Variants in FN3K observed in about 807,000 individuals in gnomAD.
FN3K encodes fructosamine 3 kinase.
FN3K carries 24 observed loss-of-function variants against 24.8 expected under a neutral mutation model. The ratio of observed to expected loss-of-function variants is 0.97; its 90% CI spans 0.70 to 1.36. The LOEUF (loss-of-function observed/expected upper bound fraction) is 1.36, where lower values mean the gene tolerates loss of function less well. Ranked by LOEUF, FN3K falls within the 40% of genes most tolerant of loss-of-function variation. The probability of loss-of-function intolerance (pLI) is 0.00; values close to 1 mark genes in which losing one functional copy is unlikely to be tolerated. For missense variants in FN3K, 449 were observed against 416.7 expected, an observed-to-expected ratio of 1.08 and a Z score of -0.67; for synonymous variants, 192 against 175.2, an observed-to-expected ratio of 1.10 and a Z score of -0.76.
At chr17:82,743,849 G>C (rs2046954171) in intron 4 of FN3K, among the ~76,000 whole-genome samples, 1 of 152,214 alleles carries the variant, frequency 6.6e-6, no homozygotes, top group African/African-American at 2.4e-5. Context: ...CCCTCTGTCA[G>C]GGGAGGCCTG....
At position 82,742,195 on chromosome 17, in the gene FN3K, G is replaced by A. The variant is rs894012704; in HGVS notation, c.468+802G>A. Among the ~76,000 whole-genome samples, 9 of 151,714 alleles carry A rather than the reference G, an allele frequency of 5.9e-5. 1 individual carries two copies. Among genetic ancestry groups the A allele is most frequent in the Non-Finnish European group, 1.2e-4 (8 of 67,976 alleles). ...GCTGGGATTACAGGCACGAGCCACCGCGCCTGGACTTAATGTTGTATTTTT... is the reference window on the plus strand; with the variant it reads ...GCTGGGATTACAGGCACGAGCCACCACGCCTGGACTTAATGTTGTATTTTT... On this transcript the variant is annotated intron_variant, in intron 4 of 5. Coordinates refer to ENST00000300784, the MANE Select transcript of FN3K (RefSeq NM_022158.4).
chr17:82,750,800 T>TCCCCGTCCCTGTCCCCCCGTC lies in FN3K; in HGVS notation c.*58_*78dup. ...CCCTGTCCCCGTCCCCGTCTCCGTCTCCCCGTCCCTGTCCCCCCGTCCCCC... is the reference window on the plus strand; with the variant it reads ...CCCTGTCCCCGTCCCCGTCTCCGTCTCCCCGTCCCTGTCCCCCCGTCCCCCGTCCCTGTCCCCCCGTCCCCC... On this transcript the variant is annotated 3_prime_UTR_variant, in exon 6 of 6. Transcript: ENST00000300784. 3 of 1,402,838 alleles carry TCCCCGTCCCTGTCCCCCCGTC rather than the reference T, an allele frequency of 2.1e-6. No individual in the cohort carries two copies. Among genetic ancestry groups the TCCCCGTCCCTGTCCCCCCGTC allele is most frequent in the African/African-American group, 2.2e-5 (1 of 46,370 alleles). The allele number at this position is 1,402,838 out of a possible 1,614,324, so 86.9% of individuals were successfully genotyped here.
Position 82,741,308 on chromosome 17 carries a change from C to G in FN3K, c.386-3C>G. The G allele has an allele frequency of 6.2e-7, 1 of 1,613,478 alleles. No individual in the cohort carries two copies. The highest frequency in any genetic ancestry group is 8.5e-7 in the Non-Finnish European group (1 of 1,179,716). On this transcript the variant is annotated splice_polypyrimidine_tract_variant and splice_region_variant and intron_variant, in intron 3 of 5. Transcript: ENST00000300784. ...CCTTCAGGCCAAGGATCTCTGTCAA[C>G]AGGCCGAAGAGGTGAGGGTGCTGAG... is the stretch of plus-strand genomic sequence containing the variant.
intron 5 of FN3K, chr17:82,749,270 A>G: frequency 2.1e-6 from 1 of 484,748 alleles, no homozygotes; most frequent in Non-Finnish European, 3.8e-6. Context: ...GGTGTTTACC[A>G]TGATTACTGT....
In FN3K at chr17:82,737,603, C is replaced by T. The variant is rs188501200; in HGVS notation, c.142-886C>T. On this transcript the variant is annotated intron_variant, in intron 1 of 5. Coordinates refer to ENST00000300784, the MANE Select transcript of FN3K (RefSeq NM_022158.4). ...TCCCAAAGTGCTGGGATTACAGGTG[C>T]GAGCCACCACGCACGGCGGTGGAAC... The T allele has an allele frequency of 6.2e-3, 937 of 152,282 alleles. 4 individuals are homozygous for T. Among genetic ancestry groups the T allele is most frequent in the Non-Finnish European group, 7.9e-3 (537 of 68,086 alleles). 9.4% of individuals were successfully genotyped at this position (152,282 alleles called of 1,614,324 possible).
chr17:82,737,926 T>C (rs1314628906), intron 1 of FN3K: 1 of 159,050 alleles, frequency 6.3e-6, no homozygotes, highest in East Asian at 1.8e-4. Context: ...CTGGAATGTT[T>C]GTGGGAATAT....
rs570399029 is a variant in FN3K at position 82,746,052 on chromosome 17, C to T, written c.469-2803C>T. On this transcript the variant is annotated intron_variant, in intron 4 of 5. Transcript: ENST00000300784. Reference sequence around the variant, plus strand: ...GAGCTTGCAGTGAGCCGAGATCTCGCCACTGCACTCCAGCCTGGGCGACAG... The same window carrying T: ...GAGCTTGCAGTGAGCCGAGATCTCGTCACTGCACTCCAGCCTGGGCGACAG... Among the ~76,000 whole-genome samples, 5 of 149,594 alleles carry T rather than the reference C, an allele frequency of 3.3e-5. No individual in the cohort carries two copies. In the South Asian group the frequency reaches 1.1e-3, roughly 32 times the overall value.
chr17:82,749,385 C>A (rs1243551605), intron 5 of FN3K: 2 of 337,744 alleles, frequency 5.9e-6, no homozygotes, highest in East Asian at 1.6e-4. Flanking sequence ...TAACTCTCGG[C>A]CGGGCACAGT....
intron 1 of FN3K, 98 bp downstream of exon 1, chr17:82,735,875 G>A: frequency 2.7e-6 from 4 of 1,485,412 alleles, no homozygotes; most frequent in Non-Finnish European, 3.6e-6. Context: ...GCTGGGCCTG[G>A]GGAGGGGTCA....
rs376054770 is a variant in FN3K, at chr17:82,741,540, G to T, written c.468+147G>T. 62 of 751,740 alleles carry T rather than the reference G, an allele frequency of 8.2e-5. No homozygotes were observed. The East Asian group carries it at 8.8e-4, about 11-fold the overall frequency. 46.6% of individuals were successfully genotyped at this position (751,740 alleles called of 1,614,324 possible). On this transcript the variant is annotated intron_variant, in intron 4 of 5. Transcript: ENST00000300784. Reference sequence around the variant, plus strand: ...GTAGAAGCTGTGATACCTGGAATGGGGAGAGCAGACGCTGAGGGTCACTGA... The same window carrying T: ...GTAGAAGCTGTGATACCTGGAATGGTGAGAGCAGACGCTGAGGGTCACTGA...
intron 2 of FN3K, among the ~76,000 whole-genome samples, chr17:82,740,046 G>A (rs1327280794): frequency 6.6e-6 from 1 of 151,816 alleles, no homozygotes; most frequent in East Asian, 1.9e-4. Flanking sequence ...TGGGACTACA[G>A]GTGTACCACC....
chr17:82,735,764 A>G lies in FN3K; in HGVS notation c.128A>G (p.Asn43Ser). The change falls in exon 1 of 6, where the codon AAC becomes AGC. Residue 43 changes from asparagine (N) to serine (S), a missense_variant. By Grantham distance (46) the Asn-to-Ser change is conservative (BLOSUM62 1). Coordinates refer to ENST00000300784, the MANE Select transcript of FN3K (RefSeq NM_022158.4). ...GCAGGCCCAGTGTTCGTCAAAGTCAACCGCAGGACGCAGGTGCTGGCCCGT... is the reference window on the plus strand; with the variant it reads ...GCAGGCCCAGTGTTCGTCAAAGTCAGCCGCAGGACGCAGGTGCTGGCCCGT... ...TDAGPVFVKV[N>S]RRTQARQMFE... The G allele has an allele frequency of 6.4e-7, 1 of 1,561,908 alleles. No individual in the cohort carries two copies. Among genetic ancestry groups the G allele is most frequent in the Non-Finnish European group, 8.7e-7 (1 of 1,155,068 alleles).
intron 4 of FN3K, among the ~76,000 whole-genome samples, chr17:82,742,229 T>C (rs2046945148): frequency 6.6e-6 from 1 of 151,910 alleles, no homozygotes; most frequent in Non-Finnish European, 1.5e-5. Context: ...TTAGTAGAGA[T>C]GGGGTTTCTC....
At chr17:82,749,305 A>C in intron 5 of FN3K, 1 of 401,094 alleles carries the variant, frequency 2.5e-6, no homozygotes, top group Non-Finnish European at 4.8e-6. Flanking sequence ...ACACTTGTCC[A>C]CTCCATCGTG....
At chr17:82,742,843 G>A (rs181753130) in intron 4 of FN3K, 69 of 405,904 alleles carry the variant, frequency 1.7e-4, no homozygotes, top group Non-Finnish European at 3.0e-4. Flanking sequence ...CCTTGTCGAC[G>A]CCCGTCCTGA....
chr17:82,743,393 G>A (rs1319703643), intron 4 of FN3K, among the ~76,000 whole-genome samples: 1 of 152,204 alleles, frequency 6.6e-6, no homozygotes, highest in Non-Finnish European at 1.5e-5. Flanking sequence ...GGCTAGGAAG[G>A]GTGAGGCGCC....
rs567326977 is a variant in FN3K at position 82,750,730 on chromosome 17, G to T, written c.905G>T (p.Gly302Val). 6.2e-7 allele frequency: 1 copy of T among 1,613,130 alleles called. No individual in the cohort carries two copies. Among genetic ancestry groups the T allele is most frequent in the Non-Finnish European group, 8.5e-7 (1 of 1,179,906 alleles). The change falls in exon 6 of 6, where the codon GGC (glycine) becomes GTC (valine). Residue 302 changes from glycine to valine, a missense_variant. Transcript: ENST00000300784. Reference sequence around the variant, plus strand: ...CGGGAGTACAGGAGCCCTTCCTTGGGCACCATGCGAAGGCTGCTCAAGTAG... The same window carrying T: ...CGGGAGTACAGGAGCCCTTCCTTGGTCACCATGCGAAGGCTGCTCAAGTAG... ...FGREYRSPSL[G>V]TMRRLLK
chr17:82,738,713 CAG>C, intron 2 of FN3K, 73 bp downstream of exon 2: 5 of 1,577,448 alleles, frequency 3.2e-6, no homozygotes, highest in Non-Finnish European at 4.3e-6. Context: ...CAGAGAGAGA[CAG>C]AGAAAGGGAT....
chr17:82,747,999 G>C (rs557174206), intron 4 of FN3K, among the ~76,000 whole-genome samples: 4 of 152,092 alleles, frequency 2.6e-5, no homozygotes, highest in Admixed American at 6.5e-5. Context: ...GTTCTTTTAC[G>C]TATTTTGAAG....
Sources: allele counts gnomAD v4.1 joint callset (sites outside exome capture counted in the v4.1 genomes callset), GRCh38; gene constraint gnomAD v4.1.1; transcripts MANE v1.5; gene names NCBI Gene and HGNC (gene_info 2026-07-23, HGNC 2026-07-21).